MTUS2: variants seen among roughly 807,000 people sequenced by gnomAD.
The protein encoded by MTUS2 is microtubule-associated tumor suppressor candidate 2.
MTUS2 carries 40 observed loss-of-function variants against 114.1 expected under a neutral mutation model. The observed-to-expected ratio is 0.35, with a 90% CI of 0.27 to 0.46. The LOEUF is 0.46. Ranked by LOEUF, MTUS2 falls within the 20% of genes least tolerant of loss-of-function variation. The probability of loss-of-function intolerance (pLI) is 1.00; values close to 1 mark genes in which losing one functional copy is unlikely to be tolerated. For synonymous variants in MTUS2, 688 were observed against 672.0 expected (o/e 1.02, Z -0.37); for missense variants, 1,679 against 1,705.4 (o/e 0.98, Z 0.27).
intron 2 of MTUS2, among the ~76,000 whole-genome samples, chr13:28,852,900 A>AATACATACATACATAC (rs11274039): frequency 0.58 from 85,318 of 148,378 alleles, 25,501 homozygotes; most frequent in Non-Finnish European, 0.65. Flanking sequence ...CTCTGTCTTA[A>AATACATACATACATAC]ATACATACAT....
intron 4 of MTUS2, among the ~76,000 whole-genome samples, chr13:29,073,703 T>G (rs1466308265): frequency 6.6e-6 from 1 of 152,166 alleles, no homozygotes; most frequent in Non-Finnish European, 1.5e-5. Flanking sequence ...TGGGGCTCAC[T>G]TTGCTGATCA....
chr13:28,957,357 TA>T (rs1332121797), intron 2 of MTUS2, among the ~76,000 whole-genome samples: 1 of 152,216 alleles, frequency 6.6e-6, no homozygotes, highest in African/African-American at 2.4e-5. Context: ...CATAAGTCAG[TA>T]AAGCGGGGGA....
At chr13:29,418,591 G>C (rs768502406) in intron 8 of MTUS2, among the ~76,000 whole-genome samples, 10 of 152,200 alleles carry the variant, frequency 6.6e-5, no homozygotes, top group Non-Finnish European at 1.3e-4. Flanking sequence ...GTCTATGACA[G>C]TAACCATACA....
At chr13:29,201,334 C>A (rs1894946496) in intron 5 of MTUS2, among the ~76,000 whole-genome samples, 2 of 146,834 alleles carry the variant, frequency 1.4e-5, no homozygotes, top group African/African-American at 4.9e-5. Flanking sequence ...AATGCAACCC[C>A]TGTTTTTTTT....
At chr13:29,240,433 C>T (rs150233574) in intron 5 of MTUS2, among the ~76,000 whole-genome samples, 2 of 152,280 alleles carry the variant, frequency 1.3e-5, no homozygotes, top group African/African-American at 4.8e-5. Context: ...AAGTTTAATG[C>T]TGTTGTAATG....
chr13:29,221,315 C>T (rs1895899190), intron 5 of MTUS2, among the ~76,000 whole-genome samples: 1 of 152,222 alleles, frequency 6.6e-6, no homozygotes, highest in Admixed American at 6.5e-5. Flanking sequence ...TGGCCAAATG[C>T]CATTCAAAGT....
chr13:28,856,111 G>A (rs1345375457), intron 2 of MTUS2, among the ~76,000 whole-genome samples: 1 of 152,186 alleles, frequency 6.6e-6, no homozygotes, highest in African/African-American at 2.4e-5. Flanking sequence ...AACAGAAGAA[G>A]GGTAGTTGTG....
intron 2 of MTUS2, among the ~76,000 whole-genome samples, chr13:28,962,751 C>T (rs1883387651): frequency 6.6e-6 from 1 of 152,098 alleles, no homozygotes; most frequent in Non-Finnish European, 1.5e-5. Flanking sequence ...GTCCTCTCTA[C>T]CCAGGACTTG....
At chr13:28,841,998 T>C (rs1386575534) in intron 2 of MTUS2, among the ~76,000 whole-genome samples, 1 of 152,234 alleles carries the variant, frequency 6.6e-6, no homozygotes, top group South Asian at 2.1e-4. Flanking sequence ...GTTTGTTTTC[T>C]TATTGTATCA....
chr13:28,985,647 A>C (rs900573687), intron 2 of MTUS2, among the ~76,000 whole-genome samples: 2 of 148,906 alleles, frequency 1.3e-5, no homozygotes, highest in African/African-American at 5.0e-5. Flanking sequence ...CACCTCTGTG[A>C]TGGTTAATTT....
intron 2 of MTUS2, among the ~76,000 whole-genome samples, chr13:28,933,716 C>T (rs1406604316): frequency 6.6e-6 from 1 of 152,178 alleles, no homozygotes; most frequent in Non-Finnish European, 1.5e-5. Flanking sequence ...TAAAGATGAA[C>T]CTTATTTCCC....
chr13:29,257,396 C>A (rs1181097530), intron 5 of MTUS2, among the ~76,000 whole-genome samples: 1 of 152,140 alleles, frequency 6.6e-6, no homozygotes, highest in East Asian at 1.9e-4. Flanking sequence ...GAATAGTTTC[C>A]TGTGGTTTTG....
chr13:29,367,999 C>T (rs1001388655), intron 8 of MTUS2, among the ~76,000 whole-genome samples: 7 of 146,708 alleles, frequency 4.8e-5, no homozygotes, highest in African/African-American at 1.3e-4. Flanking sequence ...ACGGCAGTGG[C>T]GCTATCTCGG....
At chr13:28,853,645 T>A (rs1042102149) in intron 2 of MTUS2, among the ~76,000 whole-genome samples, 1 of 152,216 alleles carries the variant, frequency 6.6e-6, no homozygotes, top group African/African-American at 2.4e-5. Context: ...TATCTAGTTA[T>A]AACCAAATTG....
chr13:29,476,112 T>G (rs1247250648), intron 9 of MTUS2, among the ~76,000 whole-genome samples: 2 of 152,218 alleles, frequency 1.3e-5, no homozygotes, highest in Non-Finnish European at 2.9e-5. Context: ...CTTAGCATTG[T>G]GTTATAACTT....
chr13:28,910,171 A>T (rs1206267353), intron 2 of MTUS2, among the ~76,000 whole-genome samples: 1 of 152,022 alleles, frequency 6.6e-6, no homozygotes, highest in Non-Finnish European at 1.5e-5. Context: ...ATTTCCCTCC[A>T]TCCCACCCGT....
chr13:29,360,699 C>G (rs867693896), intron 8 of MTUS2, among the ~76,000 whole-genome samples: 6,790 of 137,322 alleles, frequency 0.049, 662 homozygotes, highest in African/African-American at 0.17. Flanking sequence ...CCCCCCCCCC[C>G]CCGTAAGAAT....
chr13:29,074,790 A>T (rs1439141258), intron 4 of MTUS2, among the ~76,000 whole-genome samples: 2 of 152,160 alleles, frequency 1.3e-5, no homozygotes, highest in African/African-American at 4.8e-5. Context: ...CTAGCTAGCT[A>T]GCTCTAGGGC....
At chr13:29,468,146 G>A (rs959792150) in intron 9 of MTUS2, among the ~76,000 whole-genome samples, 1 of 151,826 alleles carries the variant, frequency 6.6e-6, no homozygotes, top group South Asian at 2.1e-4. Flanking sequence ...TCCCAAAAGA[G>A]TACATAAAAT....
Sources: allele counts gnomAD v4.1 joint callset (sites outside exome capture counted in the v4.1 genomes callset), GRCh38; gene constraint gnomAD v4.1.1; transcripts MANE v1.5; gene names NCBI Gene and HGNC (gene_info 2026-07-23, HGNC 2026-07-21).